The following WDTC1 variants were observed in gnomAD, a reference collection of about 807,000 sequenced individuals.
WDTC1 encodes the protein WD and tetratricopeptide repeats protein 1.
A neutral mutation model predicts 76.0 loss-of-function variants in WDTC1; 12 were observed. The ratio of observed to expected loss-of-function variants is 0.16; its 90% CI spans 0.10 to 0.26. The LOEUF is 0.26. Among genes scored for constraint, WDTC1 ranks in the 10% least tolerant of loss-of-function variants. The pLI is 1.00. For missense variants in WDTC1, 511 were observed against 908.8 expected, an observed-to-expected ratio of 0.56 and a Z score of 5.63; for synonymous variants, 326 against 350.8, an observed-to-expected ratio of 0.93 and a Z score of 0.79.
intron 6 of WDTC1, among the ~76,000 whole-genome samples, chr1:27,289,180 C>T (rs1458510525): frequency 5.3e-5 from 8 of 150,202 alleles, no homozygotes; most frequent in Non-Finnish European, 1.2e-4. Flanking sequence ...CCTCACCTCC[C>T]GGACGGGGCG....
At chr1:27,254,701 C>T (rs1385189906) in intron 1 of WDTC1, among the ~76,000 whole-genome samples, 1 of 152,110 alleles carries the variant, frequency 6.6e-6, no homozygotes, top group African/African-American at 2.4e-5. Context: ...GGCGCAATCT[C>T]GGCTCACTGC....
chr1:27,265,119 A>T (rs2012619667), intron 3 of WDTC1, among the ~76,000 whole-genome samples: 1 of 152,148 alleles, frequency 6.6e-6, no homozygotes, highest in Admixed American at 6.6e-5. Context: ...TGTAAGCTTA[A>T]AAGAAATTAG....
intron 1 of WDTC1, among the ~76,000 whole-genome samples, chr1:27,238,998 CTTTTT>C (rs61324262): frequency 2.9e-4 from 27 of 91,662 alleles, no homozygotes; most frequent in African/African-American, 9.1e-4. Context: ...CCGCTCCTGG[CTTTTT>C]TTTTTTTTTT....
intron 8 of WDTC1, 79 bp from the exon 9 acceptor site, chr1:27,294,435 T>C: frequency 7.7e-7 from 1 of 1,306,646 alleles, no homozygotes; most frequent in Non-Finnish European, 1.1e-6. Context: ...GTATAATTTT[T>C]GATATGACTG....
intron 1 of WDTC1, among the ~76,000 whole-genome samples, chr1:27,255,789 G>A (rs1238274717): frequency 6.6e-6 from 1 of 152,072 alleles, no homozygotes; most frequent in Non-Finnish European, 1.5e-5. Flanking sequence ...GGCTGGTCTT[G>A]AACTCCTGAC....
intron 1 of WDTC1, among the ~76,000 whole-genome samples, chr1:27,237,279 T>C (rs1469006970): frequency 6.6e-6 from 1 of 152,214 alleles, no homozygotes; most frequent in East Asian, 1.9e-4. Context: ...CACTCTCTTC[T>C]CTCTTTTTAA....
intron 1 of WDTC1, among the ~76,000 whole-genome samples, chr1:27,245,017 G>C (rs1570937012): frequency 6.6e-6 from 1 of 151,674 alleles, no homozygotes; most frequent in African/African-American, 2.4e-5. Flanking sequence ...TAGACTGAGA[G>C]AGCAAAATGC....
At chr1:27,300,078 C>T (rs528384974) in intron 12 of WDTC1, among the ~76,000 whole-genome samples, 1 of 152,228 alleles carries the variant, frequency 6.6e-6, no homozygotes, top group African/African-American at 2.4e-5. Flanking sequence ...GCCATTGAAG[C>T]AGCTCTGTTT....
chr1:27,296,538 A>C, intron 10 of WDTC1, 137 bp downstream of exon 10: 1 of 856,614 alleles, frequency 1.2e-6, no homozygotes, highest in African/African-American at 1.7e-5. Context: ...AACCCCACCT[A>C]TGCAGTAAGA....
In WDTC1 at chr1:27,308,043, C is replaced by T. The variant is rs1487126829; in HGVS notation, c.*1660C>T. On this transcript the variant is annotated 3_prime_UTR_variant, in exon 16 of 16. Coordinates refer to ENST00000319394, the MANE Select transcript of WDTC1 (RefSeq NM_001276252.2). The stretch of plus-strand genomic sequence containing the variant: ...CCTTTGCTTTCTTGTGTTCCAGCCA[C>T]CTGCCATTTCCTCCCTGCCTCCCAC... 1 of 152,578 alleles carries T rather than the reference C, an allele frequency of 6.6e-6. No individual in the cohort carries two copies. The highest frequency in any genetic ancestry group is 1.5e-5 in the Non-Finnish European group (1 of 68,396). The allele number at this position is 152,578 out of a possible 1,614,324, so 9.5% of individuals were successfully genotyped here.
chr1:27,263,068 G>A, intron 2 of WDTC1, 84 bp from the exon 3 acceptor site: 2 of 1,468,806 alleles, frequency 1.4e-6, no homozygotes, highest in Non-Finnish European at 1.9e-6. Flanking sequence ...GTGGTGCCCA[G>A]GAAAGAGCTG....
chr1:27,298,677 ACTC>A (rs754657792), intron 12 of WDTC1, among the ~76,000 whole-genome samples: 16 of 151,738 alleles, frequency 1.1e-4, no homozygotes, highest in Non-Finnish European at 1.8e-4. Flanking sequence ...ATCTGAAAGA[ACTC>A]CTCATCTTTG....
chr1:27,295,210 G>C (rs1395762917), intron 9 of WDTC1, among the ~76,000 whole-genome samples: 1 of 152,148 alleles, frequency 6.6e-6, no homozygotes, highest in Non-Finnish European at 1.5e-5. Flanking sequence ...ATATAATAGA[G>C]ACAAGTGGGA....
intron 5 of WDTC1, among the ~76,000 whole-genome samples, chr1:27,287,140 G>A (rs1458222400): frequency 2.0e-5 from 3 of 151,020 alleles, no homozygotes; most frequent in Non-Finnish European, 3.0e-5. Flanking sequence ...TCCAGCCTGG[G>A]TGACAGAGCG....
chr1:27,275,631 A>T (rs543716023), intron 3 of WDTC1, among the ~76,000 whole-genome samples: 121 of 151,534 alleles, frequency 8.0e-4, no homozygotes, highest in Middle Eastern at 3.4e-3. Flanking sequence ...AAAAAAAAAA[A>T]AATAAAGAAA....
upstream of WDTC1, chr1:27,234,615 G>A (rs1263027042): frequency 2.5e-6 from 1 of 393,184 alleles, no homozygotes; most frequent in African/African-American, 2.1e-5. Context: ...GAGACTGCGT[G>A]GCGCAGGCGC....
intron 3 of WDTC1, among the ~76,000 whole-genome samples, chr1:27,264,154 G>A (rs2012582024): frequency 6.6e-6 from 1 of 152,110 alleles, no homozygotes; most frequent in Non-Finnish European, 1.5e-5. Flanking sequence ...CAGGCATGGT[G>A]GTGCATGCCT....
In WDTC1 at chr1:27,287,709, G is replaced by T. The variant is rs149594820; in HGVS notation, c.327G>T (p.Thr109=). Residue 109 remains threonine, a synonymous_variant, in exon 6 of 16, where the codon ACG becomes ACT. Transcript: ENST00000319394. The stretch of plus-strand genomic sequence containing the variant: ...ACGCTGGGGACCGCATCTTGATCAC[G>T]GGGGCAGCCGACTCTAAGGTGCATG... ...LPHAGDRILI[T]GAADSKVHVH... 29 of 1,613,788 alleles carry T rather than the reference G, an allele frequency of 1.8e-5. No individual in the cohort carries two copies. Among genetic ancestry groups the T allele is most frequent in the Middle Eastern group, 1.6e-4 (1 of 6,084 alleles).
At chr1:27,241,950 G>A (rs143377475) in intron 1 of WDTC1, among the ~76,000 whole-genome samples, 57 of 150,910 alleles carry the variant, frequency 3.8e-4, no homozygotes, top group African/African-American at 1.3e-3. Flanking sequence ...GGAGTGCAGT[G>A]GTGCAATCTT....
Sources: allele counts gnomAD v4.1 joint callset (sites outside exome capture counted in the v4.1 genomes callset), GRCh38; gene constraint gnomAD v4.1.1; transcripts MANE v1.5; gene names NCBI Gene and HGNC (gene_info 2026-07-23, HGNC 2026-07-21).